The following EFHC2 variants were observed in gnomAD, a reference collection of about 807,000 sequenced individuals.
EFHC2 encodes the protein EF-hand domain-containing family member C2.
EFHC2 carries 18 observed loss-of-function variants against 52.7 expected under a neutral mutation model. The ratio of observed to expected loss-of-function variants is 0.34; its 90% CI spans 0.24 to 0.51. The LOEUF (loss-of-function observed/expected upper bound fraction) is 0.51. Ranked by LOEUF, EFHC2 falls within the 20% of genes least tolerant of loss-of-function variation. EFHC2 has a pLI of 0.97. For synonymous variants in EFHC2, 203 were observed against 204.1 expected (o/e 0.99, Z 0.04); for missense variants, 513 against 562.5 (o/e 0.91, Z 0.89).
Position 44,343,535 on chromosome X carries a change from CT to C in EFHC2, c.42+11del. ...GCCGGGAGCTGTGACCTCGGACGCC[CT>C]TCCTACTCACGTTGCGGTTGAAGCT... On this transcript the variant is annotated intron_variant, in intron 1 of 14. Coordinates refer to ENST00000420999, the MANE Select transcript of EFHC2 (RefSeq NM_025184.4). The C allele has an allele frequency of 8.4e-7, 1 of 1,192,409 alleles. No homozygotes were observed.
chrX:44,305,163 G>A (rs759357763), intron 2 of EFHC2, among the ~76,000 whole-genome samples: 2 of 110,874 alleles, frequency 1.8e-5, no homozygotes, highest in East Asian at 5.7e-4. Context: ...TCGGGAGGCT[G>A]AGACAGGAGA....
intron 1 of EFHC2, among the ~76,000 whole-genome samples, chrX:44,333,522 C>G (rs1353745853): frequency 9.0e-6 from 1 of 111,240 alleles, no homozygotes; most frequent in East Asian, 2.8e-4. Flanking sequence ...GAACAGTATT[C>G]TTGGTATCCT....
chrX:44,173,111 C>T (rs950703732), intron 13 of EFHC2, among the ~76,000 whole-genome samples: 2 of 112,252 alleles, frequency 1.8e-5, no homozygotes, highest in African/African-American at 6.5e-5. Context: ...AGGAGAAATA[C>T]ATGGGTAACA....
chrX:44,320,571 C>G (rs1306291896), intron 1 of EFHC2, among the ~76,000 whole-genome samples: 1 of 111,464 alleles, frequency 9.0e-6, no homozygotes, highest in African/African-American at 3.3e-5. Flanking sequence ...GCAGTACTGG[C>G]TTACTTGTGT....
At chrX:44,219,145 T>TAAAAAAAA (rs10669527) in intron 11 of EFHC2, among the ~76,000 whole-genome samples, 1 of 79,368 alleles carries the variant, frequency 1.3e-5, no homozygotes, top group Non-Finnish European at 2.4e-5. Flanking sequence ...CACCTATAGT[T>TAAAAAAAA]AAAAAAAAAA....
intron 7 of EFHC2, among the ~76,000 whole-genome samples, chrX:44,247,064 T>C (rs1200419614): frequency 1.8e-5 from 2 of 111,769 alleles, no homozygotes; most frequent in African/African-American, 6.5e-5. Flanking sequence ...TTGTCCACAG[T>C]CCCCAAGGCA....
At chrX:44,188,339 T>C (rs1222138340) in intron 11 of EFHC2, among the ~76,000 whole-genome samples, 1 of 111,829 alleles carries the variant, frequency 8.9e-6, no homozygotes, top group Admixed American at 9.5e-5. Context: ...TAATCAATAA[T>C]AATTTGATTA....
At chrX:44,209,752 C>T (rs1025557667) in intron 11 of EFHC2, among the ~76,000 whole-genome samples, 2 of 108,858 alleles carry the variant, frequency 1.8e-5, no homozygotes, top group Non-Finnish European at 3.8e-5. Flanking sequence ...AGAGAGCAAG[C>T]GAATCTTCAT....
intron 2 of EFHC2, among the ~76,000 whole-genome samples, chrX:44,289,446 C>T (rs1415169177): frequency 4.5e-5 from 5 of 110,823 alleles, no homozygotes; most frequent in African/African-American, 9.8e-5. Context: ...CACATTTTCC[C>T]CTAAAAGTTA....
intron 11 of EFHC2, among the ~76,000 whole-genome samples, chrX:44,225,373 G>A (rs1358938694): frequency 9.0e-6 from 1 of 110,963 alleles, no homozygotes; most frequent in Non-Finnish European, 1.9e-5. Flanking sequence ...ATCCATTATT[G>A]ACCATGGCAC....
At chrX:44,297,759 A>T (rs73483062) in intron 2 of EFHC2, among the ~76,000 whole-genome samples, 2,052 of 104,418 alleles carry the variant, frequency 0.02, 53 homozygotes, top group African/African-American at 0.063. Flanking sequence ...GATGATGATG[A>T]TGATGACAAC....
intron 8 of EFHC2, among the ~76,000 whole-genome samples, chrX:44,237,197 C>T (rs1408479464): frequency 9.0e-6 from 1 of 111,392 alleles, no homozygotes; most frequent in Non-Finnish European, 1.9e-5. Flanking sequence ...CAGTAGTTAG[C>T]TCACATCTCC....
At position 44,235,302 on chromosome X, in the gene EFHC2, T is replaced by C. The variant is rs779077061; in HGVS notation, c.1423+3A>G. Reference sequence around the variant, plus strand: ...AAAATACTGTGAAGAGTATATCTCTTACCTGAATTCCTCTCTATAGGTTCA... The same window carrying C: ...AAAATACTGTGAAGAGTATATCTCTCACCTGAATTCCTCTCTATAGGTTCA... On this transcript the variant is annotated splice_donor_region_variant and intron_variant, in intron 9 of 14. Transcript: ENST00000420999. The C allele has an allele frequency of 4.3e-6, 5 of 1,165,259 alleles. No homozygotes were observed. In the South Asian group the frequency reaches 1.0e-4, roughly 24 times the overall value.
At position 44,283,675 on chromosome X, in the gene EFHC2, CT is replaced by C. The variant is rs35434534; in HGVS notation, c.232-10840del. ...AAACACTTTGACTCCACGGAAGTAC[CT>C]TTTTTTTTTTTTTTTTTTTACATCC... On this transcript the variant is annotated intron_variant, in intron 2 of 14. Coordinates refer to ENST00000420999, the MANE Select transcript of EFHC2 (RefSeq NM_025184.4). Among the ~76,000 whole-genome samples, 92 of 42,593 alleles carry C rather than the reference CT, an allele frequency of 2.2e-3. 1 individual carries two copies. Among genetic ancestry groups the C allele is most frequent in the East Asian group, 0.015 (29 of 1,909 alleles). 37.0% of individuals were successfully genotyped at this position (42,593 alleles called of 115,157 possible).
intron 1 of EFHC2, among the ~76,000 whole-genome samples, chrX:44,322,444 T>A (rs901968586): frequency 1.5e-4 from 17 of 111,986 alleles, no homozygotes; most frequent in Non-Finnish European, 3.2e-4. Context: ...TTACCTGGCT[T>A]AGACCCCCTT....
chrX:44,148,017 G>A lies in EFHC2; in HGVS notation c.*778C>T, dbSNP rs756209435. The A allele has an allele frequency of 1.0e-4, 11 of 109,712 alleles. No individual in the cohort carries two copies. Among genetic ancestry groups the A allele is most frequent in the East Asian group, 2.8e-4 (1 of 3,513 alleles). 9.0% of individuals were successfully genotyped at this position (109,712 alleles called of 1,213,427 possible). On this transcript the variant is annotated 3_prime_UTR_variant, in exon 15 of 15. Transcript: ENST00000420999. The stretch of plus-strand genomic sequence containing the variant: ...TATTTAAACCTCTAGGGTGGGGCGC[G>A]TGGGATGTGTGTGTAAAACAAACCA...
chrX:44,341,236 G>A (rs1225487284), intron 1 of EFHC2, among the ~76,000 whole-genome samples: 3 of 111,690 alleles, frequency 2.7e-5, no homozygotes, highest in South Asian at 3.7e-4. Flanking sequence ...CCAGAACAGT[G>A]GTTATATCTG....
At chrX:44,283,446 T>G (rs745957705) in intron 2 of EFHC2, among the ~76,000 whole-genome samples, 1 of 111,277 alleles carries the variant, frequency 9.0e-6, no homozygotes, top group Non-Finnish European at 1.9e-5. Flanking sequence ...CCTCCCAAAG[T>G]GCTGGGATTA....
At chrX:44,179,065 A>AG (rs1247709549) in intron 11 of EFHC2, among the ~76,000 whole-genome samples, 5 of 110,395 alleles carry the variant, frequency 4.5e-5, no homozygotes, top group Non-Finnish European at 5.7e-5. Context: ...CCTGGCAGTG[A>AG]GAAAAAAAAA....
Sources: gnomAD v4.1 joint callset for allele counts (sites outside exome capture counted in the v4.1 genomes callset) on GRCh38, gnomAD v4.1.1 for gene constraint, MANE v1.5 for transcripts, NCBI Gene and HGNC (gene_info 2026-07-23, HGNC 2026-07-21) for gene names.